Variants in SNTG1 observed in about 807,000 individuals in gnomAD.
SNTG1 encodes gamma-1-syntrophin.
In SNTG1, 39 loss-of-function variants were observed where a neutral mutation model predicts 74.7. The observed-to-expected ratio is 0.52, with a 90% CI of 0.40 to 0.68. SNTG1 has a LOEUF of 0.68. Among genes scored for constraint, SNTG1 ranks in the 30% least tolerant of loss-of-function variants. SNTG1 has a pLI of 0.00. For missense variants in SNTG1, 685 were observed against 609.5 expected (o/e 1.12, Z -1.30); for synonymous variants, 254 against 217.1 (o/e 1.17, Z -1.49).
At chr8:50,494,763 T>G (rs2093889093) in intron 8 of SNTG1, among the ~76,000 whole-genome samples, 1 of 152,126 alleles carries the variant, frequency 6.6e-6, no homozygotes, top group African/African-American at 2.4e-5. Context: ...TACACTTTTA[T>G]TACATAAAAT....
At chr8:50,258,195 T>A (rs1179634577) in intron 2 of SNTG1, among the ~76,000 whole-genome samples, 1 of 152,232 alleles carries the variant, frequency 6.6e-6, no homozygotes, top group Non-Finnish European at 1.5e-5. Context: ...GAGTTTTCAC[T>A]GCTAGATGAT....
intron 2 of SNTG1, among the ~76,000 whole-genome samples, chr8:50,279,456 A>C (rs2088304995): frequency 6.6e-6 from 1 of 152,198 alleles, no homozygotes; most frequent in African/African-American, 2.4e-5. Flanking sequence ...AACAGACTGA[A>C]TAAGTAGAAC....
At chr8:50,348,697 T>C (rs946941394) in intron 2 of SNTG1, among the ~76,000 whole-genome samples, 1 of 152,216 alleles carries the variant, frequency 6.6e-6, no homozygotes, top group Non-Finnish European at 1.5e-5. Flanking sequence ...ATATGACCCA[T>C]AATGAATGTG....
chr8:50,765,713 T>A (rs1474051739), intron 18 of SNTG1, among the ~76,000 whole-genome samples: 1 of 151,992 alleles, frequency 6.6e-6, no homozygotes, highest in African/African-American at 2.4e-5. Flanking sequence ...ATAACCCCAA[T>A]GAATAGTGAC....
chr8:49,999,200 T>C (rs1348558193), intron 1 of SNTG1, among the ~76,000 whole-genome samples: 1 of 152,182 alleles, frequency 6.6e-6, no homozygotes, highest in African/African-American at 2.4e-5. Flanking sequence ...ACCTAATACT[T>C]GATTTTTCCT....
At chr8:50,501,624 T>C (rs7821170) in intron 8 of SNTG1, among the ~76,000 whole-genome samples, 1 of 150,324 alleles carries the variant, frequency 6.7e-6, no homozygotes, top group East Asian at 2.0e-4. Flanking sequence ...TTTTTTTTTT[T>C]TTTTTGTATT....
At chr8:50,471,734 G>T (rs531079949) in intron 8 of SNTG1, among the ~76,000 whole-genome samples, 2 of 152,202 alleles carry the variant, frequency 1.3e-5, no homozygotes, top group African/African-American at 4.8e-5. Context: ...ACATATGAAT[G>T]AAAAAGCAAA....
intron 1 of SNTG1, among the ~76,000 whole-genome samples, chr8:50,101,116 C>CT (rs1208089324): frequency 6.6e-6 from 1 of 152,046 alleles, no homozygotes; most frequent in Non-Finnish European, 1.5e-5. Flanking sequence ...TGATCTCACT[C>CT]TTTTTTATGG....
At chr8:50,251,600 A>AT (rs1220006165) in intron 2 of SNTG1, among the ~76,000 whole-genome samples, 2 of 151,912 alleles carry the variant, frequency 1.3e-5, no homozygotes, top group African/African-American at 4.8e-5. Context: ...TAAAATACAT[A>AT]TTAAGTGAAA....
chr8:50,536,935 C>G, intron 11 of SNTG1, 127 bp downstream of exon 11: 1 of 1,167,778 alleles, frequency 8.6e-7, no homozygotes, highest in South Asian at 1.8e-5. Context: ...AGAAGAGCTT[C>G]AAAATAATAA....
chr8:50,674,656 C>CT (rs1399622957), intron 15 of SNTG1, among the ~76,000 whole-genome samples: 1 of 151,876 alleles, frequency 6.6e-6, no homozygotes, highest in Non-Finnish European at 1.5e-5. Flanking sequence ...TTTTGTGTCT[C>CT]TATCTCCTTC....
chr8:50,465,763 T>C (rs1409355393), intron 8 of SNTG1, among the ~76,000 whole-genome samples: 1 of 152,190 alleles, frequency 6.6e-6, no homozygotes, highest in African/African-American at 2.4e-5. Context: ...TTATGACTTT[T>C]TTCCTGGCTT....
intron 18 of SNTG1, among the ~76,000 whole-genome samples, chr8:50,763,893 ACACACACACACAC>A (rs1563817597): frequency 1.7e-5 from 2 of 117,274 alleles, no homozygotes; most frequent in African/African-American, 1.1e-4. Context: ...ACACACACAC[ACACACACACACAC>A]AAAAATAACC....
intron 2 of SNTG1, among the ~76,000 whole-genome samples, chr8:50,178,236 A>C (rs962179878): frequency 1.3e-5 from 2 of 152,118 alleles, no homozygotes; most frequent in African/African-American, 4.8e-5. Flanking sequence ...GGGAATTGCA[A>C]AGCTGTTTTC....
In SNTG1 at chr8:50,502,758, C is replaced by T; in HGVS notation, c.364-20C>T. ...TGATAAATGTAATGATGATTGTATT[C>T]TTTTTATTCTTTTTTTCAGGTTCAG... On this transcript the variant is annotated intron_variant, in intron 8 of 18. Transcript: ENST00000642720. 5 of 1,581,248 alleles carry T rather than the reference C, an allele frequency of 3.2e-6. No homozygotes were observed. The highest frequency in any genetic ancestry group is 4.3e-6 in the Non-Finnish European group (5 of 1,152,400).
At chr8:50,328,094 GT>G (rs2090823471) in intron 2 of SNTG1, among the ~76,000 whole-genome samples, 1 of 152,010 alleles carries the variant, frequency 6.6e-6, no homozygotes, top group Non-Finnish European at 1.5e-5. Context: ...AAAAATAAAA[GT>G]TTTATTCTAC....
chr8:50,599,041 A>G (rs2094753260), intron 13 of SNTG1, among the ~76,000 whole-genome samples: 1 of 152,034 alleles, frequency 6.6e-6, no homozygotes, highest in Non-Finnish European at 1.5e-5. Context: ...ATAGGCATGC[A>G]ATGCATAATA....
chr8:50,675,450 A>G (rs1027813838), intron 15 of SNTG1, among the ~76,000 whole-genome samples: 2 of 151,988 alleles, frequency 1.3e-5, no homozygotes, highest in African/African-American at 4.8e-5. Context: ...TTGTTGGTTT[A>G]AAGTCTGTTT....
intron 2 of SNTG1, among the ~76,000 whole-genome samples, chr8:50,240,159 A>G (rs1344888723): frequency 1.3e-5 from 2 of 152,224 alleles, no homozygotes; most frequent in African/African-American, 2.4e-5. Flanking sequence ...GCAATGAGAC[A>G]TGCCTAGATA....
Sources: gnomAD v4.1 joint callset for allele counts (sites outside exome capture counted in the v4.1 genomes callset) on GRCh38, gnomAD v4.1.1 for gene constraint, MANE v1.5 for transcripts, NCBI Gene and HGNC (gene_info 2026-07-23, HGNC 2026-07-21) for gene names.